Variants in TAFA1 observed in about 807,000 individuals in gnomAD.
The protein encoded by TAFA1 is TAFA chemokine like family member 1.
A neutral mutation model predicts 18.5 loss-of-function variants in TAFA1; 4 were observed. The observed-to-expected ratio is 0.22, with a 90% CI of 0.11 to 0.49. The LOEUF is 0.49. TAFA1 is among the 20% of genes least tolerant of loss of function. The pLI, the probability that TAFA1 is intolerant of heterozygous loss-of-function variation, is 0.98. For synonymous variants in TAFA1, 56 were observed against 55.2 expected (o/e 1.01, Z -0.06); for missense variants, 147 against 169.0 (o/e 0.87, Z 0.72).
intron 2 of TAFA1, among the ~76,000 whole-genome samples, chr3:68,227,444 AT>A (rs1253866913): frequency 6.6e-6 from 1 of 152,210 alleles, no homozygotes; most frequent in African/African-American, 2.4e-5. Flanking sequence ...GTGGGCTGGA[AT>A]TCAGCCAGAC....
At chr3:68,116,072 G>C (rs1276172632) in intron 2 of TAFA1, among the ~76,000 whole-genome samples, 1 of 151,958 alleles carries the variant, frequency 6.6e-6, no homozygotes, top group Non-Finnish European at 1.5e-5. Flanking sequence ...CTGGCTAACA[G>C]GATGAAACCC....
At chr3:68,058,173 A>C (rs1196104140) in intron 2 of TAFA1, among the ~76,000 whole-genome samples, 1 of 152,186 alleles carries the variant, frequency 6.6e-6, no homozygotes, top group Admixed American at 6.5e-5. Flanking sequence ...AATCAAGTTC[A>C]CAGCTCTATC....
At chr3:68,488,574 T>C (rs1215118792) in intron 3 of TAFA1, among the ~76,000 whole-genome samples, 2 of 152,186 alleles carry the variant, frequency 1.3e-5, no homozygotes, top group African/African-American at 4.8e-5. Context: ...TGGGTTCAAG[T>C]CCAGGATCTG....
At chr3:68,107,966 T>C (rs1234257112) in intron 2 of TAFA1, among the ~76,000 whole-genome samples, 3 of 152,104 alleles carry the variant, frequency 2.0e-5, no homozygotes, top group Non-Finnish European at 4.4e-5. Flanking sequence ...TACCTACTCA[T>C]GCCAAACCCT....
chr3:68,226,274 A>G (rs2066799213), intron 2 of TAFA1, among the ~76,000 whole-genome samples: 1 of 152,190 alleles, frequency 6.6e-6, no homozygotes, highest in African/African-American at 2.4e-5. Context: ...TATGCTCCAA[A>G]GTGTCTGATA....
At chr3:68,104,902 A>G (rs1482937184) in intron 2 of TAFA1, among the ~76,000 whole-genome samples, 1 of 152,090 alleles carries the variant, frequency 6.6e-6, no homozygotes, top group Non-Finnish European at 1.5e-5. Flanking sequence ...AATACCTGAG[A>G]CTGGGTAATT....
chr3:68,428,916 A>T (rs934854608), intron 3 of TAFA1, among the ~76,000 whole-genome samples: 2 of 151,938 alleles, frequency 1.3e-5, no homozygotes, highest in African/African-American at 2.4e-5. Context: ...CTTCTCATCA[A>T]TGTCTCCCGG....
chr3:68,027,225 G>T (rs146050448), intron 2 of TAFA1, among the ~76,000 whole-genome samples: 4 of 152,234 alleles, frequency 2.6e-5, no homozygotes, highest in African/African-American at 9.6e-5. Flanking sequence ...TCTCTAAGAC[G>T]TGAGAGGTTT....
At chr3:68,306,908 A>T (rs897256405) in intron 2 of TAFA1, among the ~76,000 whole-genome samples, 6 of 152,258 alleles carry the variant, frequency 3.9e-5, no homozygotes, top group Middle Eastern at 3.4e-3. Flanking sequence ...AAATACCTAC[A>T]TTTCTTTTCT....
chr3:68,112,533 T>TA (rs1457283085), intron 2 of TAFA1, among the ~76,000 whole-genome samples: 1 of 152,134 alleles, frequency 6.6e-6, no homozygotes, highest in Non-Finnish European at 1.5e-5. Flanking sequence ...ATTTAATGGT[T>TA]AAATATTGAC....
At chr3:68,295,098 A>C (rs2068184270) in intron 2 of TAFA1, among the ~76,000 whole-genome samples, 1 of 108,806 alleles carries the variant, frequency 9.2e-6, no homozygotes, top group Non-Finnish European at 1.9e-5. Flanking sequence ...CCTTCGCTCA[A>C]CCTCCTGAGC....
intron 2 of TAFA1, chr3:68,250,805 C>T (rs1479997720): frequency 1.3e-5 from 2 of 150,184 alleles, no homozygotes; most frequent in Non-Finnish European, 3.0e-5. Flanking sequence ...TTTCCTTCTT[C>T]CCTGGAGCCT....
At chr3:68,213,033 T>TC (rs1172364798) in intron 2 of TAFA1, among the ~76,000 whole-genome samples, 5 of 152,062 alleles carry the variant, frequency 3.3e-5, no homozygotes, top group Admixed American at 1.3e-4. Context: ...TTTTTTTTTT[T>TC]TAATCATTTT....
chr3:68,167,596 CAG>C (rs2066000136), intron 2 of TAFA1, among the ~76,000 whole-genome samples: 1 of 138,276 alleles, frequency 7.2e-6, no homozygotes, highest in African/African-American at 2.8e-5. Context: ...ACAAAAAAAA[CAG>C]AAGAAGAAAA....
At chr3:68,381,195 A>T (rs1292308108) in intron 2 of TAFA1, among the ~76,000 whole-genome samples, 1 of 148,898 alleles carries the variant, frequency 6.7e-6, no homozygotes, top group Non-Finnish European at 1.5e-5. Context: ...GTTTGAAGTC[A>T]GGTAGCATGA....
chr3:68,312,324 A>C (rs918614976), intron 2 of TAFA1, among the ~76,000 whole-genome samples: 2 of 152,222 alleles, frequency 1.3e-5, no homozygotes, highest in African/African-American at 2.4e-5. Context: ...TTCTCCCCAG[A>C]AAATGGGATT....
chr3:68,093,200 A>G (rs534454965), intron 2 of TAFA1, among the ~76,000 whole-genome samples: 1 of 152,014 alleles, frequency 6.6e-6, no homozygotes, highest in Non-Finnish European at 1.5e-5. Flanking sequence ...CTTGGCCTTC[A>G]TTGAGTTTAA....
At chr3:68,111,284 G>T (rs1022333376) in intron 2 of TAFA1, among the ~76,000 whole-genome samples, 1 of 152,072 alleles carries the variant, frequency 6.6e-6, no homozygotes, top group Non-Finnish European at 1.5e-5. Flanking sequence ...ACAATGAGCT[G>T]ATATTTTCAA....
At chr3:68,072,744 T>A (rs537190061) in intron 2 of TAFA1, among the ~76,000 whole-genome samples, 1 of 152,230 alleles carries the variant, frequency 6.6e-6, no homozygotes, top group South Asian at 2.1e-4. Flanking sequence ...GGCTGTGGAG[T>A]TTGTGACACC....
Sources: allele counts gnomAD v4.1 joint callset (sites outside exome capture counted in the v4.1 genomes callset), GRCh38; gene constraint gnomAD v4.1.1; transcripts MANE v1.5; gene names NCBI Gene and HGNC (gene_info 2026-07-23, HGNC 2026-07-21).